Variants in ATP10D observed in about 807,000 individuals in gnomAD.
ATP10D encodes ATPase phospholipid transporting 10D (putative).
ATP10D carries 89 observed loss-of-function variants against 144.8 expected under a neutral mutation model. The ratio of observed to expected loss-of-function variants is 0.61; its 90% CI spans 0.52 to 0.73. ATP10D has a LOEUF of 0.73. Ranked by LOEUF, ATP10D falls within the 30% of genes least tolerant of loss-of-function variation. The pLI, the probability that ATP10D is intolerant of heterozygous loss-of-function variation, is 0.00. For synonymous variants in ATP10D, 571 were observed against 615.1 expected (o/e 0.93, Z 1.06); for missense variants, 1,603 against 1,714.8 (o/e 0.93, Z 1.15).
chr4:47,509,897 G>C (rs1716219556), intron 1 of ATP10D, among the ~76,000 whole-genome samples: 1 of 151,670 alleles, frequency 6.6e-6, no homozygotes, highest in Non-Finnish European at 1.5e-5. Flanking sequence ...TGTATGCATT[G>C]CAGGTGGTAA....
At chr4:47,555,973 C>T (rs1313172487) in intron 11 of ATP10D, among the ~76,000 whole-genome samples, 1 of 152,168 alleles carries the variant, frequency 6.6e-6, no homozygotes, top group Non-Finnish European at 1.5e-5. Context: ...AGGCTGGTCT[C>T]AAACTCCTGA....
At chr4:47,560,342 C>A (rs528167991) in intron 13 of ATP10D, 1 of 152,258 alleles carries the variant, frequency 6.6e-6, no homozygotes, top group Admixed American at 6.5e-5. Context: ...ACTTGTTTCA[C>A]CCATAGGGCC....
chr4:47,529,020 C>T (rs1025350198), intron 5 of ATP10D, among the ~76,000 whole-genome samples: 1 of 151,872 alleles, frequency 6.6e-6, no homozygotes, highest in Non-Finnish European at 1.5e-5. Flanking sequence ...GTTTGAGTTC[C>T]TTGTAGATTC....
chr4:47,569,756 A>G (rs564293701), intron 16 of ATP10D, among the ~76,000 whole-genome samples: 21 of 152,320 alleles, frequency 1.4e-4, no homozygotes, highest in African/African-American at 5.1e-4. Flanking sequence ...TGCTCTTTTA[A>G]ATACGATTTT....
At chr4:47,564,753 G>A (rs186815890) in intron 15 of ATP10D, among the ~76,000 whole-genome samples, 81 of 152,242 alleles carry the variant, frequency 5.3e-4, no homozygotes, top group Admixed American at 1.5e-3. Context: ...AAGCCTTCCA[G>A]TATAGTGATC....
rs545449017 is a variant in ATP10D at position 47,567,117 on chromosome 4, AT to A, written c.2854-1719del. ...TGTTCAGCTTCAGCTGGGAATGGGC[AT>A]ATCACATGACTTAAATGTCACTCTA... On this transcript the variant is annotated intron_variant, in intron 15 of 22. Coordinates refer to ENST00000273859, the MANE Select transcript of ATP10D (RefSeq NM_020453.4). Among the ~76,000 whole-genome samples the A allele has an allele frequency of 4.6e-5, 7 of 152,364 alleles. No homozygotes were observed. The East Asian group carries it at 1.3e-3, about 29-fold the overall frequency.
rs190193386 is a variant in ATP10D, at chr4:47,551,160, G to A, written c.1636-3566G>A. ...GGGTGTGAGCAAAGTTGCAAGCCCCGTGTTTAAAGGTGGAAGCAGTCACCT... is the reference window on the plus strand; with the variant it reads ...GGGTGTGAGCAAAGTTGCAAGCCCCATGTTTAAAGGTGGAAGCAGTCACCT... On this transcript the variant is annotated intron_variant, in intron 10 of 22. Coordinates refer to ENST00000273859, the MANE Select transcript of ATP10D (RefSeq NM_020453.4). Among the ~76,000 whole-genome samples, 13 of 152,320 alleles carry A rather than the reference G, an allele frequency of 8.5e-5. No individual in the cohort carries two copies. The East Asian group carries it at 1.5e-3, about 18-fold the overall frequency.
rs188434272 is a variant in ATP10D at position 47,570,429 on chromosome 4, G to A, written c.3163+1283G>A. Reference sequence around the variant, plus strand: ...GGCCATTAAATATCTAAGCAGTGATGTCAGGTAGGAAGTGAGAATAAAAGT... The same window carrying A: ...GGCCATTAAATATCTAAGCAGTGATATCAGGTAGGAAGTGAGAATAAAAGT... On this transcript the variant is annotated intron_variant, in intron 16 of 22. Transcript: ENST00000273859. Among the ~76,000 whole-genome samples, 3 of 152,306 alleles carry A rather than the reference G, an allele frequency of 2.0e-5. No homozygotes were observed. In the East Asian group the frequency reaches 5.8e-4, roughly 29 times the overall value.
At chr4:47,568,192 T>C (rs1719741339) in intron 15 of ATP10D, among the ~76,000 whole-genome samples, 1 of 152,228 alleles carries the variant, frequency 6.6e-6, no homozygotes, top group Admixed American at 6.5e-5. Context: ...ACGTGATAAG[T>C]ACCACAAAGA....
chr4:47,574,130 T>G (rs1421691514), intron 18 of ATP10D, among the ~76,000 whole-genome samples: 1 of 152,228 alleles, frequency 6.6e-6, no homozygotes, highest in African/African-American at 2.4e-5. Context: ...ATTTTAAACC[T>G]TTGCATTTGT....
chr4:47,555,209 CA>C (rs1687833478), intron 11 of ATP10D, among the ~76,000 whole-genome samples: 1 of 152,190 alleles, frequency 6.6e-6, no homozygotes, highest in South Asian at 2.1e-4. Flanking sequence ...CCTGTCAGAT[CA>C]GGGGCAGCAT....
At chr4:47,500,739 C>G (rs962439571) in intron 1 of ATP10D, among the ~76,000 whole-genome samples, 1 of 152,068 alleles carries the variant, frequency 6.6e-6, no homozygotes, top group Non-Finnish European at 1.5e-5. Flanking sequence ...GGAAAGAGGT[C>G]TATGCTAGGG....
At chr4:47,562,489 A>G (rs1302904713) in intron 14 of ATP10D, among the ~76,000 whole-genome samples, 1 of 152,198 alleles carries the variant, frequency 6.6e-6, no homozygotes, top group East Asian at 1.9e-4. Flanking sequence ...TAAAACCACA[A>G]TGAGATACCA....
Position 47,515,494 on chromosome 4 carries a change from C to T in ATP10D, c.309C>T (p.Phe103=). The T allele has an allele frequency of 6.2e-7, 1 of 1,611,634 alleles. No homozygotes were observed. Among genetic ancestry groups the T allele is most frequent in the Non-Finnish European group, 8.5e-7 (1 of 1,178,890 alleles). ...GTTGCAGAGCTGCCAATTTATATTT[C>T]CTGTTCCTAGTTGTCCTGAACTGGG... ...EQFHRAANLY[F]LFLVVLNWVP... is the part of the protein sequence containing the mutation. The change falls in exon 3 of 23, where the codon TTC becomes TTT. Residue 103 remains phenylalanine (F), a synonymous_variant. Transcript: ENST00000273859.
Position 47,513,960 on chromosome 4 carries a change from C to T in ATP10D, c.290+1130C>T, listed in dbSNP as rs569020106. On this transcript the variant is annotated intron_variant, in intron 2 of 22. Coordinates refer to ENST00000273859, the MANE Select transcript of ATP10D (RefSeq NM_020453.4). ...GAATGAAAAGAAGGGTGATCTCTTA[C>T]AGATACTGTGGATTTAGTGTAAGAC... is the stretch of plus-strand genomic sequence containing the variant. Among the ~76,000 whole-genome samples, 10 of 152,202 alleles carry T rather than the reference C, an allele frequency of 6.6e-5. No individual in the cohort carries two copies. In the South Asian group the frequency reaches 2.1e-3, roughly 32 times the overall value.
At chr4:47,494,888 A>G (rs957422670) in intron 1 of ATP10D, among the ~76,000 whole-genome samples, 1 of 152,168 alleles carries the variant, frequency 6.6e-6, no homozygotes, top group South Asian at 2.1e-4. Context: ...CTACCATTTA[A>G]ATTCTATTTT....
chr4:47,568,003 T>C (rs1719732172), intron 15 of ATP10D, among the ~76,000 whole-genome samples: 1 of 152,262 alleles, frequency 6.6e-6, no homozygotes, highest in South Asian at 2.1e-4. Flanking sequence ...CTTGACACAG[T>C]AATTTCTGGA....
At chr4:47,560,661 T>C (rs1282568335) in intron 13 of ATP10D, among the ~76,000 whole-genome samples, 1 of 152,230 alleles carries the variant, frequency 6.6e-6, no homozygotes, top group Non-Finnish European at 1.5e-5. Context: ...ACTGCATACT[T>C]TCTGATTTAA....
chr4:47,486,082 T>A (rs1322406919), intron 1 of ATP10D, among the ~76,000 whole-genome samples: 9 of 152,180 alleles, frequency 5.9e-5, no homozygotes, highest in Non-Finnish European at 1.5e-5. Context: ...TCGGAAATAG[T>A]TTTCAAAGGA....
Sources: allele counts gnomAD v4.1 joint callset (sites outside exome capture counted in the v4.1 genomes callset), GRCh38; gene constraint gnomAD v4.1.1; transcripts MANE v1.5; gene names NCBI Gene and HGNC (gene_info 2026-07-23, HGNC 2026-07-21).